The following RUNX1T1 variants were observed in gnomAD, a reference collection of about 807,000 sequenced individuals.
RUNX1T1 encodes protein CBFA2T1.
In RUNX1T1, 4 loss-of-function variants were observed where a neutral mutation model predicts 62.8. The observed-to-expected ratio is 0.06, with a 90% CI of 0.03 to 0.15. RUNX1T1 has a LOEUF of 0.15. Ranked by LOEUF, RUNX1T1 falls within the 10% of genes least tolerant of loss-of-function variation. The pLI is 1.00. For synonymous variants in RUNX1T1, 291 were observed against 286.0 expected (o/e 1.02, Z -0.18); for missense variants, 508 against 754.3 (o/e 0.67, Z 3.82).
At chr8:91,956,250 TCTC>T (rs954535244), downstream of RUNX1T1, 2 of 231,712 alleles carry the variant, frequency 8.6e-6, no homozygotes, top group East Asian at 6.1e-5. Flanking sequence ...AGGTAGTAAT[TCTC>T]CTCCCACTCT....
chr8:92,079,227 T>C (rs1008022906), intron 1 of RUNX1T1, among the ~76,000 whole-genome samples: 1 of 152,236 alleles, frequency 6.6e-6, no homozygotes, highest in African/African-American at 2.4e-5. Context: ...AACTCTTTTC[T>C]TTTCCTTCAT....
intron 1 of RUNX1T1, among the ~76,000 whole-genome samples, chr8:92,081,880 TTTTATTTA>T (rs1251239505): frequency 6.6e-6 from 1 of 151,932 alleles, no homozygotes; most frequent in Non-Finnish European, 1.5e-5. Context: ...AGTTGTGGTA[TTTTATTTA>T]TTTATTTATT....
chr8:92,027,862 G>C (rs1825509656), intron 1 of RUNX1T1, among the ~76,000 whole-genome samples: 1 of 151,994 alleles, frequency 6.6e-6, no homozygotes, highest in East Asian at 1.9e-4. Context: ...TCTCCATACA[G>C]GGACAACAGG....
At chr8:92,012,408 C>T (rs1822123685) in intron 3 of RUNX1T1, among the ~76,000 whole-genome samples, 1 of 151,850 alleles carries the variant, frequency 6.6e-6, no homozygotes, top group Non-Finnish European at 1.5e-5. Flanking sequence ...GTGGTGTGTG[C>T]CTCTAGTTTC....
At chr8:91,959,883 G>T in exon 11 of RUNX1T1, 1 of 314,536 alleles carries the variant, frequency 3.2e-6, no homozygotes, top group South Asian at 6.8e-5. Context: ...CAATCTCTTG[G>T]TTTGCTGTTT....
chr8:92,071,698 CG>C (rs1465705524), intron 2 of RUNX1T1, among the ~76,000 whole-genome samples: 1 of 152,072 alleles, frequency 6.6e-6, no homozygotes, highest in Non-Finnish European at 1.5e-5. Context: ...GAGCGCCAGG[CG>C]GCTGTGAGAG....
intron 1 of RUNX1T1, among the ~76,000 whole-genome samples, chr8:92,042,874 A>G (rs2130167135): frequency 6.6e-6 from 1 of 152,316 alleles, no homozygotes; most frequent in Non-Finnish European, 1.5e-5. Flanking sequence ...ACTATGTGCC[A>G]TTTCATTATT....
At chr8:91,990,041 GC>G (rs1817342383) in intron 6 of RUNX1T1, among the ~76,000 whole-genome samples, 2 of 151,940 alleles carry the variant, frequency 1.3e-5, no homozygotes, top group Non-Finnish European at 2.9e-5. Flanking sequence ...CTCTCTTTCT[GC>G]TTTCTAAACA....
At chr8:92,032,811 T>A (rs1205914721) in intron 1 of RUNX1T1, among the ~76,000 whole-genome samples, 1 of 151,856 alleles carries the variant, frequency 6.6e-6, no homozygotes, top group Non-Finnish European at 1.5e-5. Flanking sequence ...AGTCAATAAT[T>A]AAAAGTTCAA....
downstream of RUNX1T1, chr8:91,956,970 T>TTA (rs1554586333): frequency 6.7e-5 from 7 of 104,406 alleles, no homozygotes; most frequent in African/African-American, 2.4e-4. Context: ...CACCTACACA[T>TTA]AAAAAAAAAA....
intron 1 of RUNX1T1, among the ~76,000 whole-genome samples, chr8:92,082,973 A>C (rs1213677765): frequency 2.6e-5 from 4 of 152,286 alleles, no homozygotes; most frequent in Middle Eastern, 3.4e-3. Context: ...GGTAGGGAAA[A>C]TCTGGAAGCC....
intron 1 of RUNX1T1, chr8:92,095,782 T>A: frequency 3.0e-6 from 1 of 332,972 alleles, no homozygotes. Context: ...AGGCTAGAAG[T>A]CGCCTGCATG....
At chr8:92,095,663 A>C in intron 1 of RUNX1T1, 7 of 863,946 alleles carry the variant, frequency 8.1e-6, no homozygotes, top group Non-Finnish European at 1.1e-5. Context: ...GGAAGGAGAG[A>C]CACAGGCAGG....
At chr8:92,092,931 G>A (rs921002479) in intron 1 of RUNX1T1, among the ~76,000 whole-genome samples, 22 of 151,994 alleles carry the variant, frequency 1.4e-4, no homozygotes, top group African/African-American at 5.1e-4. Context: ...CCAAATTATA[G>A]GTTGTTATTT....
chr8:92,003,203 G>C (rs1820090870), intron 5 of RUNX1T1: 1 of 365,704 alleles, frequency 2.7e-6, no homozygotes, highest in African/African-American at 2.1e-5. Context: ...ATACACTGAT[G>C]CATGCACAGC....
intron 8 of RUNX1T1, among the ~76,000 whole-genome samples, chr8:91,983,243 T>C (rs551464693): frequency 6.6e-6 from 1 of 152,200 alleles, no homozygotes; most frequent in Non-Finnish European, 1.5e-5. Flanking sequence ...AGGAAAACTC[T>C]TAAAATTCAA....
intron 4 of RUNX1T1, among the ~76,000 whole-genome samples, chr8:92,008,384 TCTCTCA>T (rs1563742349): frequency 4.1e-5 from 3 of 72,984 alleles, no homozygotes; most frequent in East Asian, 3.2e-4. Flanking sequence ...TCTCTCTCTC[TCTCTCA>T]CACACACACA....
At chr8:92,035,007 G>A (rs1827137494) in intron 1 of RUNX1T1, among the ~76,000 whole-genome samples, 1 of 152,162 alleles carries the variant, frequency 6.6e-6, no homozygotes, top group South Asian at 2.1e-4. Context: ...TGTAACGAAT[G>A]GGATAGGCTG....
intron 1 of RUNX1T1, among the ~76,000 whole-genome samples, chr8:92,024,657 A>G (rs1269098687): frequency 6.6e-6 from 1 of 152,006 alleles, no homozygotes; most frequent in Non-Finnish European, 1.5e-5. Flanking sequence ...ACACTTCCCT[A>G]CTTCCTCCTT....
Sources: gnomAD v4.1 joint callset for allele counts (sites outside exome capture counted in the v4.1 genomes callset) on GRCh38, gnomAD v4.1.1 for gene constraint, MANE v1.5 for transcripts, NCBI Gene and HGNC (gene_info 2026-07-23, HGNC 2026-07-21) for gene names.